MSRA: variants seen among roughly 807,000 people sequenced by gnomAD.
The protein encoded by MSRA is mitochondrial peptide methionine sulfoxide reductase.
MSRA carries 54 observed loss-of-function variants against 31.3 expected under a neutral mutation model. The ratio of observed to expected loss-of-function variants is 1.73; its 90% CI spans 1.39 to 2.17. The LOEUF is 2.17. Ranked by LOEUF, MSRA falls within the 30% of genes most tolerant of loss-of-function variation. MSRA has a pLI of 0.00. For synonymous variants in MSRA, 169 were observed against 116.5 expected, an observed-to-expected ratio of 1.45 and a Z score of -2.90; for missense variants, 507 against 300.9, an observed-to-expected ratio of 1.69 and a Z score of -5.07.
intron 4 of MSRA, among the ~76,000 whole-genome samples, chr8:10,309,170 C>T (rs148059249): frequency 5.9e-5 from 9 of 152,380 alleles, no homozygotes; most frequent in African/African-American, 2.2e-4. Flanking sequence ...GGTAAAATCA[C>T]ATGTTTAATT....
At chr8:10,197,871 G>T (rs1039635323) in intron 1 of MSRA, among the ~76,000 whole-genome samples, 3 of 152,158 alleles carry the variant, frequency 2.0e-5, no homozygotes, top group African/African-American at 7.2e-5. Context: ...TTCTTAGCTA[G>T]CAAGCCAGGA....
intron 5 of MSRA, among the ~76,000 whole-genome samples, chr8:10,382,593 G>T (rs1463507483): frequency 1.3e-5 from 2 of 152,196 alleles, no homozygotes; most frequent in African/African-American, 4.8e-5. Flanking sequence ...AGAGGGCTTT[G>T]CCAAGGCATC....
intron 1 of MSRA, among the ~76,000 whole-genome samples, chr8:10,104,247 C>G (rs1315662148): frequency 6.6e-6 from 1 of 152,120 alleles, no homozygotes; most frequent in Non-Finnish European, 1.5e-5. Flanking sequence ...CTCAGTAATG[C>G]CACGCCATTC....
At chr8:10,348,643 C>T (rs956516971) in intron 5 of MSRA, among the ~76,000 whole-genome samples, 2 of 152,150 alleles carry the variant, frequency 1.3e-5, no homozygotes, top group Non-Finnish European at 2.9e-5. Context: ...GCTGGGATTA[C>T]AGGTGTGAGC....
intron 2 of MSRA, among the ~76,000 whole-genome samples, chr8:10,214,601 G>A (rs1809823529): frequency 6.6e-6 from 1 of 152,098 alleles, no homozygotes; most frequent in Non-Finnish European, 1.5e-5. Flanking sequence ...ACTCTGGAGG[G>A]GCAGCCACTC....
At chr8:10,330,043 T>TGTGA (rs1312054166) in intron 5 of MSRA, among the ~76,000 whole-genome samples, 3 of 136,082 alleles carry the variant, frequency 2.2e-5, no homozygotes, top group South Asian at 2.6e-4. Flanking sequence ...TGTGTGTGTG[T>TGTGA]GATCAAAAAG....
At chr8:10,300,951 G>A (rs960323373) in intron 3 of MSRA, among the ~76,000 whole-genome samples, 2 of 152,082 alleles carry the variant, frequency 1.3e-5, no homozygotes, top group African/African-American at 2.4e-5. Context: ...CCACAGAGAA[G>A]AATTAGGCTG....
At chr8:10,085,138 G>C (rs1307686133) in intron 1 of MSRA, among the ~76,000 whole-genome samples, 3 of 152,152 alleles carry the variant, frequency 2.0e-5, no homozygotes, top group Non-Finnish European at 2.9e-5. Context: ...CCTCTGGTAG[G>C]TCTTAGCTAG....
intron 1 of MSRA, among the ~76,000 whole-genome samples, chr8:10,140,045 G>A (rs769480294): frequency 2.6e-5 from 4 of 152,212 alleles, no homozygotes; most frequent in African/African-American, 4.8e-5. Context: ...GGAGCCTTCC[G>A]AAATGAAGAG....
At chr8:10,326,282 T>C (rs1304542205) in intron 5 of MSRA, among the ~76,000 whole-genome samples, 1 of 152,236 alleles carries the variant, frequency 6.6e-6, no homozygotes, top group Non-Finnish European at 1.5e-5. Flanking sequence ...TAAAATTAGC[T>C]GATTTTATCA....
intron 1 of MSRA, among the ~76,000 whole-genome samples, chr8:10,080,317 CTTT>C (rs201769416): frequency 7.0e-6 from 1 of 142,064 alleles, no homozygotes; most frequent in Non-Finnish European, 1.5e-5. Context: ...TTTTTTAAAT[CTTT>C]TTTTTTTTTT....
intron 1 of MSRA, among the ~76,000 whole-genome samples, chr8:10,081,448 G>A (rs892125348): frequency 6.6e-6 from 1 of 151,446 alleles, no homozygotes; most frequent in South Asian, 2.1e-4. Context: ...CTCAAGGTTC[G>A]GGCATCTCCA....
At chr8:10,367,715 A>T (rs924425701) in intron 5 of MSRA, among the ~76,000 whole-genome samples, 1 of 152,186 alleles carries the variant, frequency 6.6e-6, no homozygotes, top group African/African-American at 2.4e-5. Flanking sequence ...CGGGCATCCC[A>T]TTGCTCTGTC....
intron 1 of MSRA, among the ~76,000 whole-genome samples, chr8:10,154,757 T>A (rs1181937472): frequency 1.3e-5 from 2 of 152,158 alleles, no homozygotes; most frequent in African/African-American, 4.8e-5. Flanking sequence ...AATGTTGAAG[T>A]ATAGATAAAA....
At chr8:10,116,748 A>G (rs1255555631) in intron 1 of MSRA, among the ~76,000 whole-genome samples, 2 of 152,064 alleles carry the variant, frequency 1.3e-5, no homozygotes, top group East Asian at 3.9e-4. Context: ...CAGGCGGATC[A>G]CCTGAGGTTG....
At chr8:10,199,665 G>C (rs557250108) in intron 1 of MSRA, among the ~76,000 whole-genome samples, 50 of 152,234 alleles carry the variant, frequency 3.3e-4, no homozygotes, top group African/African-American at 9.6e-4. Context: ...CTTGTGCACT[G>C]AGCAGACTTC....
chr8:10,118,779 A>G (rs563532112), intron 1 of MSRA, among the ~76,000 whole-genome samples: 2 of 152,232 alleles, frequency 1.3e-5, no homozygotes, highest in South Asian at 4.1e-4. Flanking sequence ...GTTACCTCCA[A>G]TGTGGCACTC....
At chr8:10,158,926 G>T (rs917754715) in intron 1 of MSRA, among the ~76,000 whole-genome samples, 3 of 152,186 alleles carry the variant, frequency 2.0e-5, no homozygotes, top group African/African-American at 7.2e-5. Flanking sequence ...ACTCTACTGC[G>T]TGTGAAATGT....
At chr8:10,194,355 T>C (rs1247618530) in intron 1 of MSRA, among the ~76,000 whole-genome samples, 1 of 152,112 alleles carries the variant, frequency 6.6e-6, no homozygotes, top group Non-Finnish European at 1.5e-5. Flanking sequence ...TCACTTGAGG[T>C]CAGGAGTTTG....
Sources: allele counts gnomAD v4.1 joint callset (sites outside exome capture counted in the v4.1 genomes callset), GRCh38; gene constraint gnomAD v4.1.1; transcripts MANE v1.5; gene names NCBI Gene and HGNC (gene_info 2026-07-23, HGNC 2026-07-21).